The following EIF2A variants were observed in gnomAD, a reference collection of about 807,000 sequenced individuals.
EIF2A encodes eukaryotic translation initiation factor 2A.
EIF2A carries 62 observed loss-of-function variants against 75.2 expected under a neutral mutation model. That is an observed-to-expected ratio of 0.82 (90% CI 0.67 to 1.02). The LOEUF is 1.02. EIF2A is among the 50% of genes least tolerant of loss of function. The pLI, the probability that EIF2A is intolerant of heterozygous loss-of-function variation, is 0.00. For synonymous variants in EIF2A, 207 were observed against 239.0 expected, an observed-to-expected ratio of 0.87 and a Z score of 1.23; for missense variants, 611 against 677.7, an observed-to-expected ratio of 0.90 and a Z score of 1.09.
intron 11 of EIF2A, among the ~76,000 whole-genome samples, chr3:150,580,614 C>T (rs1321281591): frequency 6.6e-6 from 1 of 152,124 alleles, no homozygotes; most frequent in African/African-American, 2.4e-5. Flanking sequence ...TAAATCATAG[C>T]AAATCAGCAT....
intron 12 of EIF2A, 193 bp from the exon 13 acceptor site, chr3:150,583,007 A>G: frequency 1.8e-6 from 1 of 551,328 alleles, no homozygotes; most frequent in Non-Finnish European, 3.2e-6. Flanking sequence ...ATTTTGCCAA[A>G]TCTCATGTTT....
chr3:150,566,531 T>C (rs751144043), intron 6 of EIF2A: 21 of 152,286 alleles, frequency 1.4e-4, no homozygotes, highest in Non-Finnish European at 2.8e-4. Context: ...TTAAAAGATG[T>C]AACAATCATA....
chr3:150,581,309 C>T (rs1039269294), intron 11 of EIF2A, among the ~76,000 whole-genome samples: 1 of 152,100 alleles, frequency 6.6e-6, no homozygotes, highest in East Asian at 1.9e-4. Context: ...AAACTTTAAA[C>T]ACCTTAAATA....
intron 9 of EIF2A, 54 bp from the exon 10 acceptor site, chr3:150,571,904 C>T: frequency 1.3e-6 from 2 of 1,492,540 alleles, no homozygotes; most frequent in East Asian, 2.3e-5. Context: ...CTTTTGCTAA[C>T]AAATATTTAT....
chr3:150,564,182 T>C, intron 5 of EIF2A, 117 bp from the exon 6 acceptor site: 1 of 727,754 alleles, frequency 1.4e-6, no homozygotes, highest in African/African-American at 1.8e-5. Flanking sequence ...TTTATAAGTG[T>C]TTATAAGTGT....
At chr3:150,570,185 G>A (rs1425446618) in intron 9 of EIF2A, among the ~76,000 whole-genome samples, 4 of 151,786 alleles carry the variant, frequency 2.6e-5, no homozygotes, top group Admixed American at 2.6e-4. Context: ...AAGTACTAAG[G>A]GGAAAAAATA....
At chr3:150,563,079 C>G (rs894186942) in intron 4 of EIF2A, among the ~76,000 whole-genome samples, 5 of 151,860 alleles carry the variant, frequency 3.3e-5, no homozygotes, top group African/African-American at 9.7e-5. Context: ...GTGCCATTTT[C>G]CAAAATATTT....
chr3:150,561,501 C>T (rs138836777), intron 3 of EIF2A, among the ~76,000 whole-genome samples: 5,658 of 152,186 alleles, frequency 0.037, 142 homozygotes, highest in Admixed American at 0.069. Flanking sequence ...TCACTTAAAC[C>T]CAGGAGGTGG....
In EIF2A at chr3:150,583,254, G is replaced by GA; in HGVS notation, c.1688dup (p.Asn563LysfsTer57). On this transcript the variant is annotated frameshift_variant, in exon 13 of 14. Coordinates refer to ENST00000460851, the MANE Select transcript of EIF2A (RefSeq NM_032025.5). LOFTEE classifies it high-confidence loss of function. ...ACAAGCAGCAACTGGAAAACAGCTAGAAAAAAATCAGGTACTTTCTGCATT... is the reference window on the plus strand; with the variant it reads ...ACAAGCAGCAACTGGAAAACAGCTAGAAAAAAAATCAGGTACTTTCTGCATT... The GA allele has an allele frequency of 6.2e-7, 1 of 1,612,518 alleles. No individual in the cohort carries two copies.
intron 3 of EIF2A, among the ~76,000 whole-genome samples, chr3:150,561,321 T>TA (rs1723839482): frequency 6.6e-6 from 1 of 152,024 alleles, no homozygotes; most frequent in Non-Finnish European, 1.5e-5. Flanking sequence ...CTCATACCTG[T>TA]AATCCCAGCA....
chr3:150,563,401 CT>C, intron 4 of EIF2A, 113 bp from the exon 5 acceptor site: 1 of 788,306 alleles, frequency 1.3e-6, no homozygotes, highest in Admixed American at 3.3e-5. Context: ...CAGAGGCAAG[CT>C]TTCATGATTT....
At chr3:150,555,097 T>G (rs1723492259) in intron 2 of EIF2A, among the ~76,000 whole-genome samples, 1 of 151,942 alleles carries the variant, frequency 6.6e-6, no homozygotes, top group African/African-American at 2.4e-5. Context: ...CTGGCTAATT[T>G]TTGTATGTTT....
In EIF2A at chr3:150,581,722, CAA is replaced by C; in HGVS notation, c.1608_1609del (p.Lys536AsnfsTer83). On this transcript the variant is annotated frameshift_variant, in exon 12 of 14. Transcript: ENST00000460851. LOFTEE classifies it high-confidence loss of function. ...CAATTTCTGGGGACCCTGAGATAGA[CAA>C]AAAAATCAAGAACCTAAAGAAGGTG... ...QSISGDPEID[K>X]KIKNLKKKLK... 6.4e-7 allele frequency: 1 copy of C among 1,557,052 alleles called. No homozygotes were observed. Among genetic ancestry groups the C allele is most frequent in the Non-Finnish European group, 8.7e-7 (1 of 1,149,916 alleles).
In EIF2A at chr3:150,575,733, A is replaced by G; in HGVS notation, c.1468A>G (p.Lys490Glu). 1 of 1,612,454 alleles carries G rather than the reference A, an allele frequency of 6.2e-7. No homozygotes were observed. Among genetic ancestry groups the G allele is most frequent in the Non-Finnish European group, 8.5e-7 (1 of 1,179,274 alleles). Reference protein sequence around the residue: ...LSKTALKNQRKHEAKKAAKQE... With the variant: ...LSKTALKNQREHEAKKAAKQE... ...AAAAACAGCTCTTAAAAATCAAAGG[A>G]AGCATGAAGCTAAGAAAGCTGCAAA... is the stretch of plus-strand genomic sequence containing the variant. Residue 490 changes from lysine to glutamate, a missense_variant, in exon 11 of 14, where the codon AAG (lysine) becomes GAG (glutamate). Transcript: ENST00000460851.
intron 1 of EIF2A, among the ~76,000 whole-genome samples, chr3:150,548,983 G>A (rs891074491): frequency 6.6e-6 from 1 of 152,210 alleles, no homozygotes; most frequent in South Asian, 2.1e-4. Context: ...TTCAACAATA[G>A]ATTATTTTAC....
chr3:150,553,215 C>T (rs978466401), intron 2 of EIF2A, among the ~76,000 whole-genome samples: 2 of 150,170 alleles, frequency 1.3e-5, no homozygotes, highest in East Asian at 2.0e-4. Flanking sequence ...CTACTCTACT[C>T]GGGAGGCTGA....
intron 2 of EIF2A, among the ~76,000 whole-genome samples, chr3:150,555,252 T>C (rs912463038): frequency 6.7e-6 from 1 of 150,110 alleles, no homozygotes; most frequent in African/African-American, 2.5e-5. Context: ...TTTATTTATT[T>C]ACTTATTTAT....
At chr3:150,563,399 A>G (rs889587388) in intron 4 of EIF2A, 116 bp from the exon 5 acceptor site, 2 of 769,336 alleles carry the variant, frequency 2.6e-6, no homozygotes, top group Non-Finnish European at 4.1e-6. Context: ...CACAGAGGCA[A>G]GCTTTCATGA....
Position 150,563,598 on chromosome 3 carries a change from A to G in EIF2A, c.376A>G (p.Lys126Glu). 8 of 1,529,772 alleles carry G rather than the reference A, an allele frequency of 5.2e-6. No individual in the cohort carries two copies. Among genetic ancestry groups the G allele is most frequent in the Non-Finnish European group, 7.0e-6 (8 of 1,140,684 alleles). The allele number at this position is 1,529,772 out of a possible 1,614,324, so 94.8% of individuals were successfully genotyped here. A position where few individuals can be genotyped will look rare whatever the true frequency, so the allele number is the denominator to read the frequency against. ...GACATGTTTGAAATCTTTCATCCAG[A>G]AAAAAATGCAAAATTGGTAAATAAA... ...TGTCLKSFIQ[K>E]KMQNWCPSWS... Residue 126 changes from lysine to glutamate, a missense_variant, in exon 5 of 14, where the codon AAA becomes GAA. Lys to Glu is a moderately conservative substitution (Grantham distance 56). Coordinates refer to ENST00000460851, the MANE Select transcript of EIF2A (RefSeq NM_032025.5).
Sources: gnomAD v4.1 joint callset for allele counts (sites outside exome capture counted in the v4.1 genomes callset) on GRCh38, gnomAD v4.1.1 for gene constraint, MANE v1.5 for transcripts, NCBI Gene and HGNC (gene_info 2026-07-23, HGNC 2026-07-21) for gene names.